Variants in ANK2 observed in about 807,000 individuals in gnomAD.
ANK2 encodes ankyrin-2.
Under a neutral mutation model 360.5 loss-of-function variants are expected in ANK2, and 83 were observed. The ratio of observed to expected loss-of-function variants is 0.23; its 90% confidence interval spans 0.19 to 0.28. The LOEUF (loss-of-function observed/expected upper bound fraction) is 0.28. Among genes scored for constraint, ANK2 ranks in the 10% least tolerant of loss-of-function variants. The probability of loss-of-function intolerance (pLI) is 1.00; values close to 1 mark genes in which losing one functional copy is unlikely to be tolerated. For missense variants in ANK2, 4,201 were observed against 4,795.7 expected (o/e 0.88, Z 3.66); for synonymous variants, 1,740 against 1,759.5 (o/e 0.99, Z 0.28).
intron 1 of ANK2, chr4:113,141,136 A>G (rs919769053): frequency 2.0e-4 from 31 of 152,204 alleles, no homozygotes; most frequent in Non-Finnish European, 7.3e-5. Flanking sequence ...TTAGTTTACA[A>G]TTGTGACATG....
At position 113,112,007 on chromosome 4, in the gene ANK2, T is replaced by C. The variant is rs1367220108; in HGVS notation, c.84+62195T>C. On this transcript the variant is annotated intron_variant, in intron 1 of 45. Coordinates refer to ENST00000357077, the MANE Select transcript of ANK2 (RefSeq NM_001148.6). Reference sequence around the variant, plus strand: ...TCCTGGCTGGCTCATAGTAGGCCTTTAGTAACTGTGTTTGATAAGAAGATA... The same window carrying C: ...TCCTGGCTGGCTCATAGTAGGCCTTCAGTAACTGTGTTTGATAAGAAGATA... Among the ~76,000 whole-genome samples the C allele has an allele frequency of 2.6e-5, 4 of 152,274 alleles. No individual in the cohort carries two copies. The East Asian group carries it at 7.7e-4, about 29-fold the overall frequency.
In ANK2 at chr4:113,282,756, A is replaced by C. The variant is rs761358506; in HGVS notation, c.1963A>C (p.Thr655Pro). Reference sequence around the variant, plus strand: ...CACACTCCTGAACTATGGAGCAGAGACAAACATTGTGACAAAGCAAGGAGT... The same window carrying C: ...CACACTCCTGAACTATGGAGCAGAGCCAAACATTGTGACAAAGCAAGGAGT... ...ASTLLNYGAE[T>P]NIVTKQGVTP... The change falls in exon 18 of 46, where the codon ACA (threonine) becomes CCA (proline). Residue 655 changes from threonine (T) to proline (P), a missense_variant. Physicochemically the swap from Thr to Pro is conservative, Grantham distance 38 (BLOSUM62 -1). This residue lies in a region of ANK2 where 1,268 missense variants were observed against 1,650.8 expected (regional missense o/e 0.77). Coordinates refer to ENST00000357077, the MANE Select transcript of ANK2 (RefSeq NM_001148.6). 1 of 1,613,946 alleles carries C rather than the reference A, an allele frequency of 6.2e-7. No homozygotes were observed.
At chr4:112,725,754 T>G in the ANK2 span, among the ~76,000 whole-genome samples, 2 of 152,014 alleles carry the variant, frequency 1.3e-5, no homozygotes, top group Non-Finnish European at 2.9e-5. Context: ...AGTAGAATAG[T>G]GGTAGCCAAG....
the ANK2 span, among the ~76,000 whole-genome samples, chr4:112,785,164 AAG>A: frequency 6.6e-6 from 1 of 152,170 alleles, no homozygotes; most frequent in Non-Finnish European, 1.5e-5. Flanking sequence ...CAAATGATGG[AAG>A]AGTTTGTACA....
At chr4:113,037,121 G>C (rs2061782998) in intron 2 of ANK2, among the ~76,000 whole-genome samples, 1 of 152,014 alleles carries the variant, frequency 6.6e-6, no homozygotes, top group Non-Finnish European at 1.5e-5. Context: ...CTATGAGATT[G>C]TAGCAAACTA....
the ANK2 span, among the ~76,000 whole-genome samples, chr4:112,767,010 CAATGTAATTTT>C: frequency 6.6e-6 from 1 of 152,144 alleles, no homozygotes; most frequent in Non-Finnish European, 1.5e-5. Context: ...TATAATTATG[CAATGTAATTTT>C]AATGTAATTT....
intron 2 of ANK2, among the ~76,000 whole-genome samples, chr4:113,017,001 G>A (rs1029655155): frequency 6.6e-6 from 1 of 151,976 alleles, no homozygotes; most frequent in Non-Finnish European, 1.5e-5. Context: ...CTACTATCCC[G>A]TTCACTTCAT....
At chr4:112,881,117 A>G (rs1250325225) in intron 1 of ANK2, among the ~76,000 whole-genome samples, 1 of 152,240 alleles carries the variant, frequency 6.6e-6, no homozygotes, top group Non-Finnish European at 1.5e-5. Flanking sequence ...AACATATATT[A>G]TCAAGTATCT....
chr4:112,938,738 G>T (rs2093963273), intron 2 of ANK2, among the ~76,000 whole-genome samples: 1 of 152,168 alleles, frequency 6.6e-6, no homozygotes, highest in South Asian at 2.1e-4. Flanking sequence ...GAAGAATGCT[G>T]AAATAAATAG....
intron 1 of ANK2, among the ~76,000 whole-genome samples, chr4:112,876,326 C>T (rs745418989): frequency 2.6e-5 from 4 of 152,088 alleles, no homozygotes; most frequent in Non-Finnish European, 5.9e-5. Context: ...TGTAACTTTG[C>T]ATATACTGTG....
intron 1 of ANK2, chr4:113,152,273 T>C (rs1256641188): frequency 2.0e-5 from 3 of 152,132 alleles, no homozygotes; most frequent in African/African-American, 7.2e-5. Flanking sequence ...TAGTGGCTTT[T>C]TCAAGGTCGC....
chr4:112,890,556 GTTTTTTTTTTTT>G (rs754680934), intron 1 of ANK2, among the ~76,000 whole-genome samples: 8 of 67,456 alleles, frequency 1.2e-4, no homozygotes, highest in East Asian at 5.3e-4. Context: ...CATTTCTGTG[GTTTTTTTTTTTT>G]TTTTTTTTTT....
chr4:113,287,731 A>G, intron 19 of ANK2, 28 bp downstream of exon 19: 3 of 1,572,160 alleles, frequency 1.9e-6, no homozygotes, highest in Non-Finnish European at 2.6e-6. Context: ...CAGTATTGTG[A>G]CAGGTTCTGG....
At chr4:113,179,056 C>T (rs2098324966) in intron 2 of ANK2, among the ~76,000 whole-genome samples, 1 of 152,094 alleles carries the variant, frequency 6.6e-6, no homozygotes, top group African/African-American at 2.4e-5. Flanking sequence ...AAGAGCACCA[C>T]CACCAGGATT....
At position 113,369,579 on chromosome 4, in the gene ANK2, G is replaced by A. The variant is rs2154066064; in HGVS notation, c.11384G>A (p.Ser3795Asn). Residue 3795 changes from serine to asparagine, a missense_variant, in exon 43 of 46, where the codon AGC (serine) becomes AAC (asparagine). Around this residue, in one of 4 missense-constraint regions of ANK2, gnomAD observed 2,642 missense variants for 2,714.5 expected, o/e 0.97. Coordinates refer to ENST00000357077, the MANE Select transcript of ANK2 (RefSeq NM_001148.6). Reference protein sequence around the residue: ...QKAMIVPSSPSKTPEEVSTPA... With the variant: ...QKAMIVPSSPNKTPEEVSTPA... ...GCTATGATAGTACCCAGCTCTCCCAGCAAGACACCTGAGGAAGTTAGCACC... is the reference window on the plus strand; with the variant it reads ...GCTATGATAGTACCCAGCTCTCCCAACAAGACACCTGAGGAAGTTAGCACC... The A allele has an allele frequency of 1.9e-6, 3 of 1,614,108 alleles. No individual in the cohort carries two copies. The highest frequency in any genetic ancestry group is 2.5e-6 in the Non-Finnish European group (3 of 1,180,002).
At chr4:112,997,403 T>A (rs1423632364) in intron 2 of ANK2, among the ~76,000 whole-genome samples, 1 of 152,108 alleles carries the variant, frequency 6.6e-6, no homozygotes, top group Non-Finnish European at 1.5e-5. Flanking sequence ...TATATTCCCA[T>A]CTGCTCCTCC....
chr4:112,827,305 C>A, intron 1 of ANK2: 1 of 1,097,056 alleles, frequency 9.1e-7, no homozygotes, highest in Non-Finnish European at 1.4e-6. Context: ...AGATCCAGAA[C>A]AGCTGAGATT....
At chr4:112,706,107 CGGGCGTGACA>C in the ANK2 span, among the ~76,000 whole-genome samples, 1 of 151,256 alleles carries the variant, frequency 6.6e-6, no homozygotes, top group Non-Finnish European at 1.5e-5. Context: ...GCGGGAGACC[CGGGCGTGACA>C]GGAGGAAGAA....
intron 2 of ANK2, among the ~76,000 whole-genome samples, chr4:112,931,489 T>G (rs1412944729): frequency 1.4e-5 from 2 of 140,326 alleles, no homozygotes; most frequent in African/African-American, 5.4e-5. Context: ...GAGGCTGGAG[T>G]GCAGTGGTGT....
Sources: gnomAD v4.1 joint callset for allele counts (sites outside exome capture counted in the v4.1 genomes callset) on GRCh38, gnomAD v4.1.1 for gene constraint, gnomAD v4.1.1 regional missense constraint, MANE v1.5 for transcripts, NCBI Gene and HGNC (gene_info 2026-07-23, HGNC 2026-07-21) for gene names.